NNT: variants seen among roughly 807,000 people sequenced by gnomAD.
The protein encoded by NNT is NAD(P) transhydrogenase, mitochondrial.
A neutral mutation model predicts 104.8 loss-of-function variants in NNT; 50 were observed. The ratio of observed to expected loss-of-function variants is 0.48; its 90% confidence interval spans 0.38 to 0.60. NNT has a LOEUF of 0.60. Among genes scored for constraint, NNT ranks in the 20% least tolerant of loss-of-function variants. NNT has a pLI of 0.00. For missense variants in NNT, 1,131 were observed against 1,330.7 expected, an observed-to-expected ratio of 0.85 and a Z score of 2.33; for synonymous variants, 461 against 490.4, an observed-to-expected ratio of 0.94 and a Z score of 0.79.
In NNT at chr5:43,649,493, A is replaced by C. The variant is rs113244946; in HGVS notation, c.1606+185A>C. 1.3e-3 allele frequency among the ~76,000 whole-genome samples: 197 copies of C among 152,168 alleles called. 1 individual carries two copies. Among genetic ancestry groups the C allele is most frequent in the African/African-American group, 4.4e-3 (183 of 41,490 alleles). On this transcript the variant is annotated intron_variant, in intron 11 of 21. Transcript: ENST00000344920. Reference sequence around the variant, plus strand: ...GTATGGGATATGGGCCTGCAGAGTAAGAGGCCGTGGGAGTGTGTCAGCTCT... The same window carrying C: ...GTATGGGATATGGGCCTGCAGAGTACGAGGCCGTGGGAGTGTGTCAGCTCT...
At chr5:43,695,310 A>G (rs1482163633) in intron 19 of NNT, among the ~76,000 whole-genome samples, 1 of 152,170 alleles carries the variant, frequency 6.6e-6, no homozygotes, top group Non-Finnish European at 1.5e-5. Context: ...ATGCGCCTAT[A>G]TGAAGAGTGG....
At chr5:43,666,666 C>G in intron 17 of NNT, 2 of 631,244 alleles carry the variant, frequency 3.2e-6, no homozygotes, top group Non-Finnish European at 2.7e-6. Flanking sequence ...TTTATTTGTA[C>G]AAATAGCACA....
intron 17 of NNT, among the ~76,000 whole-genome samples, chr5:43,662,618 C>T (rs868315175): frequency 2.6e-5 from 4 of 152,022 alleles, no homozygotes; most frequent in Non-Finnish European, 5.9e-5. Flanking sequence ...TCTGGCCAGG[C>T]GCCGTGGCTC....
chr5:43,680,720 A>T (rs987858441), intron 19 of NNT, among the ~76,000 whole-genome samples: 1 of 152,162 alleles, frequency 6.6e-6, no homozygotes, highest in African/African-American at 2.4e-5. Flanking sequence ...ATGACATTTC[A>T]TGACAAGAAC....
chr5:43,696,783 C>T (rs560159048), intron 19 of NNT, among the ~76,000 whole-genome samples: 56 of 152,366 alleles, frequency 3.7e-4, no homozygotes, highest in Non-Finnish European at 5.9e-4. Flanking sequence ...GGGGCTTCCA[C>T]CTTCTGAAGT....
chr5:43,624,121 G>A lies in NNT; in HGVS notation c.776+1G>A. The A allele has an allele frequency of 1.2e-6, 2 of 1,614,006 alleles. No homozygotes were observed. Among genetic ancestry groups the A allele is most frequent in the African/African-American group, 2.7e-5 (2 of 75,042 alleles). On this transcript the variant is annotated splice_donor_variant, in intron 6 of 21. Coordinates refer to ENST00000344920, the MANE Select transcript of NNT (RefSeq NM_182977.3). LOFTEE classifies it high-confidence loss of function. ...CAATTGTTCGAGGATTTGACACAAG[G>A]TGAGTGCTTTACTAGTGACTGATGT...
At chr5:43,671,907 A>C (rs1424064551) in intron 17 of NNT, among the ~76,000 whole-genome samples, 2 of 151,978 alleles carry the variant, frequency 1.3e-5, no homozygotes, top group Non-Finnish European at 2.9e-5. Flanking sequence ...TCTCCTCATC[A>C]CTTTCAGGTA....
intron 20 of NNT, among the ~76,000 whole-genome samples, chr5:43,701,052 C>T (rs1742825124): frequency 1.3e-5 from 2 of 152,238 alleles, no homozygotes; most frequent in South Asian, 4.2e-4. Context: ...ATGGACATGG[C>T]TTTAATGCAG....
Position 43,616,046 on chromosome 5 carries a change from T to C in NNT, c.580T>C (p.Ser194Pro). 6.2e-7 allele frequency: 1 copy of C among 1,613,670 alleles called. No homozygotes were observed. The highest frequency in any genetic ancestry group is 8.5e-7 in the Non-Finnish European group (1 of 1,179,826). ...TIAQGYDALS[S>P]MANIAGYKAV... ...TGCTCAGGGATATGATGCGCTAAGC[T>C]CCATGGCCAACATTGCGGGGTAGGT... is the stretch of plus-strand genomic sequence containing the variant. The change falls in exon 4 of 22, where the codon TCC (serine) becomes CCC (proline). Residue 194 changes from serine to proline, a missense_variant. Ser to Pro is a moderately conservative substitution (Grantham distance 74, BLOSUM62 -1). Coordinates refer to ENST00000344920, the MANE Select transcript of NNT (RefSeq NM_182977.3).
intron 7 of NNT, among the ~76,000 whole-genome samples, chr5:43,631,809 G>T (rs1040529459): frequency 6.6e-6 from 1 of 152,078 alleles, no homozygotes; most frequent in Non-Finnish European, 1.5e-5. Context: ...ACTAGTTGAA[G>T]AAGTTTTATT....
chr5:43,662,912 T>G (rs1215581179), intron 17 of NNT, among the ~76,000 whole-genome samples: 1 of 150,520 alleles, frequency 6.6e-6, no homozygotes, highest in African/African-American at 2.4e-5. Flanking sequence ...AAAAAAAAAT[T>G]CCAATTAGTT....
At chr5:43,645,707 A>ATTTTT (rs1561286676) in intron 10 of NNT, 197 bp downstream of exon 10, 12 of 85,230 alleles carry the variant, frequency 1.4e-4, no homozygotes, top group African/African-American at 5.3e-4. Context: ...ATATATATAT[A>ATTTTT]TATTTTTTTT....
At chr5:43,673,435 A>G (rs1420331264) in intron 17 of NNT, among the ~76,000 whole-genome samples, 4 of 151,998 alleles carry the variant, frequency 2.6e-5, no homozygotes, top group Non-Finnish European at 5.9e-5. Flanking sequence ...CCCAATCCTC[A>G]CTGGACTCTT....
intron 5 of NNT, among the ~76,000 whole-genome samples, chr5:43,622,359 C>T (rs924672410): frequency 2.6e-5 from 4 of 152,214 alleles, no homozygotes; most frequent in African/African-American, 9.6e-5. Flanking sequence ...TATGAGTGAA[C>T]ACGAGCATTG....
chr5:43,653,157 C>T lies in NNT; in HGVS notation c.2003C>T (p.Pro668Leu), dbSNP rs1164912589. ...GLAATLGVLK[P>L]GPELLAQMSG... ...GCAGCCACCCTCGGAGTCCTAAAACCGGGCCCAGAATTACTAGCTCAGATG... is the reference window on the plus strand; with the variant it reads ...GCAGCCACCCTCGGAGTCCTAAAACTGGGCCCAGAATTACTAGCTCAGATG... Residue 668 changes from proline (P) to leucine (L), a missense_variant, in exon 14 of 22, where the codon CCG (proline) becomes CTG (leucine). Pro to Leu is a moderately conservative substitution (Grantham distance 98). Transcript: ENST00000344920. 5.6e-6 allele frequency: 9 copies of T among 1,613,954 alleles called. No individual in the cohort carries two copies. The highest frequency in any genetic ancestry group is 2.2e-5 in the East Asian group (1 of 44,882).
Position 43,678,087 on chromosome 5 carries a change from T to C in NNT, c.2876+281T>C, listed in dbSNP as rs187878730. On this transcript the variant is annotated intron_variant, in intron 19 of 21. Transcript: ENST00000344920. ...AGAAAGGAAAATGTTACTAAGAAAA[T>C]CATAAGGAAGAGAAAGTATATTTAC... 2.6e-5 allele frequency among the ~76,000 whole-genome samples: 4 copies of C among 152,166 alleles called. No homozygotes were observed. The East Asian group carries it at 5.8e-4, about 22-fold the overall frequency.
At chr5:43,692,311 A>G (rs1035366102) in intron 19 of NNT, among the ~76,000 whole-genome samples, 2 of 152,064 alleles carry the variant, frequency 1.3e-5, no homozygotes, top group South Asian at 2.1e-4. Flanking sequence ...CCTAGACTGA[A>G]CATGTGCTGA....
Position 43,606,986 on chromosome 5 carries a change from T to C in NNT, c.-53-2157T>C, listed in dbSNP as rs997430335. 1.3e-4 allele frequency among the ~76,000 whole-genome samples: 15 copies of C among 114,622 alleles called. 1 individual carries two copies. Among genetic ancestry groups the C allele is most frequent in the African/African-American group, 5.3e-4 (15 of 28,232 alleles). The allele number at this position is 114,622 out of a possible 152,430, so 75.2% of individuals were successfully genotyped here. The stretch of plus-strand genomic sequence containing the variant: ...GTGGCAGCAGGTTTTTTTTGTTTTT[T>C]GTTTTTTTGTTTTTTTTTTGAGACA... On this transcript the variant is annotated intron_variant, in intron 1 of 21. Coordinates refer to ENST00000344920, the MANE Select transcript of NNT (RefSeq NM_182977.3).
At chr5:43,617,434 A>G (rs1749849409) in intron 4 of NNT, among the ~76,000 whole-genome samples, 1 of 152,166 alleles carries the variant, frequency 6.6e-6, no homozygotes. Flanking sequence ...GGACCCAGGG[A>G]TCACAATTTG....
Sources: gnomAD v4.1 joint callset for allele counts (sites outside exome capture counted in the v4.1 genomes callset) on GRCh38, gnomAD v4.1.1 for gene constraint, MANE v1.5 for transcripts, NCBI Gene and HGNC (gene_info 2026-07-23, HGNC 2026-07-21) for gene names.